The following RGPD2 variants were observed in gnomAD, a reference collection of about 807,000 sequenced individuals.
The protein encoded by RGPD2 is RANBP2 like and GRIP domain containing 2, also known as RANBP2-like and GRIP domain-containing protein 2.
RGPD2 carries 2 observed loss-of-function variants against 36.0 expected under a neutral mutation model. That is an observed-to-expected ratio of 0.06 (90% CI 0.02 to 0.17). The LOEUF (loss-of-function observed/expected upper bound fraction) is 0.17. Among genes scored for constraint, RGPD2 ranks in the 10% least tolerant of loss-of-function variants. The pLI is 1.00. For missense variants in RGPD2, 40 were observed against 464.3 expected (o/e 0.09, Z 8.40); for synonymous variants, 19 against 163.8 (o/e 0.12, Z 6.75).
At chr2:87,907,463 A>AAAAAAT in the RGPD2 span, among the ~76,000 whole-genome samples, 1 of 20,472 alleles carries the variant, frequency 4.9e-5, no homozygotes, top group African/African-American at 1.8e-4. Context: ...AAAAAAAAAA[A>AAAAAAT]GAATTGTGGG....
At position 87,782,745 on chromosome 2, in the gene RGPD2, C is replaced by CA; in HGVS notation, c.4278dup (p.Ala1427CysfsTer15). 2.3e-6 allele frequency: 3 copies of CA among 1,300,322 alleles called. No individual in the cohort carries two copies. The highest frequency in any genetic ancestry group is 3.1e-6 in the Non-Finnish European group (3 of 962,536). The allele number at this position is 1,300,322 out of a possible 1,614,324, so 80.5% of individuals were successfully genotyped here. On this transcript the variant is annotated frameshift_variant, in exon 20 of 23. Transcript: ENST00000398146. LOFTEE classifies it high-confidence loss of function. Reference sequence around the variant, plus strand: ...TGCTCTACTTTTCTTTCTCCATCTGCAAAATCACATGCAGTCCACACCCAT... The same window carrying CA: ...TGCTCTACTTTTCTTTCTCCATCTGCAAAAATCACATGCAGTCCACACCCAT...
chr2:87,836,091 A>G, the RGPD2 span, among the ~76,000 whole-genome samples: 1 of 152,132 alleles, frequency 6.6e-6, no homozygotes, highest in African/African-American at 2.4e-5. Context: ...CAACATTACT[A>G]TAGAGGTCAA....
the RGPD2 span, chr2:87,972,689 G>A: frequency 6.4e-7 from 1 of 1,573,374 alleles, no homozygotes; most frequent in Non-Finnish European, 8.6e-7. Flanking sequence ...CGGCAGCGAG[G>A]AGGCCTGGGG....
the RGPD2 span, among the ~76,000 whole-genome samples, chr2:87,979,946 G>A: frequency 1.3e-5 from 2 of 150,848 alleles, no homozygotes; most frequent in Non-Finnish European, 3.0e-5. Context: ...AGGAGTGTAG[G>A]TTACATGAGT....
At chr2:87,940,241 G>A in the RGPD2 span, among the ~76,000 whole-genome samples, 10 of 152,108 alleles carry the variant, frequency 6.6e-5, no homozygotes, top group African/African-American at 1.2e-4. Flanking sequence ...GTGCAGCTGC[G>A]CTAGGCTGTT....
At chr2:87,910,441 G>A in the RGPD2 span, among the ~76,000 whole-genome samples, 267 of 152,002 alleles carry the variant, frequency 1.8e-3, no homozygotes, top group Non-Finnish European at 3.1e-3. Context: ...CTACACAGAC[G>A]TGAAAAATGA....
At chr2:87,875,252 T>C in the RGPD2 span, among the ~76,000 whole-genome samples, 1 of 152,160 alleles carries the variant, frequency 6.6e-6, no homozygotes, top group Non-Finnish European at 1.5e-5. Context: ...TGAATAAGAA[T>C]GGTAAGAGAG....
chr2:87,836,419 C>T, the RGPD2 span, among the ~76,000 whole-genome samples: 4 of 152,066 alleles, frequency 2.6e-5, no homozygotes, highest in South Asian at 8.3e-4. Context: ...AGAAACCCTA[C>T]AAGCCAGAAG....
At chr2:87,984,929 CAAAAAAAA>C in the RGPD2 span, among the ~76,000 whole-genome samples, 3 of 68,692 alleles carry the variant, frequency 4.4e-5, no homozygotes, top group Non-Finnish European at 8.1e-5. Context: ...CATTCTGTCT[CAAAAAAAA>C]AAAAAAAAAA....
chr2:87,837,530 A>G, the RGPD2 span, among the ~76,000 whole-genome samples: 2 of 78,590 alleles, frequency 2.5e-5, no homozygotes, highest in Non-Finnish European at 2.4e-5. Context: ...GTGAAAACAA[A>G]GATACAACGT....
the RGPD2 span, among the ~76,000 whole-genome samples, chr2:87,876,413 T>C: frequency 6.6e-6 from 1 of 152,356 alleles, no homozygotes; most frequent in East Asian, 1.9e-4. Context: ...ATCCCAGAAA[T>C]TCTAGTACAT....
the RGPD2 span, among the ~76,000 whole-genome samples, chr2:87,940,536 C>T: frequency 1.6e-5 from 2 of 123,192 alleles, no homozygotes; most frequent in Admixed American, 8.3e-5. Context: ...TAAATGGCAT[C>T]GTAAGAAAAA....
the RGPD2 span, among the ~76,000 whole-genome samples, chr2:87,941,139 C>T: frequency 1.3e-5 from 2 of 150,816 alleles, no homozygotes; most frequent in South Asian, 2.1e-4. Context: ...TAAATGATAC[C>T]GGAAAATTGG....
At chr2:87,989,057 A>C in the RGPD2 span, 3 of 281,590 alleles carry the variant, frequency 1.1e-5, no homozygotes, top group African/African-American at 2.3e-5. Context: ...CCCAGTTATT[A>C]ATGTAAATCA....
chr2:87,937,312 C>G, the RGPD2 span, among the ~76,000 whole-genome samples: 30 of 151,842 alleles, frequency 2.0e-4, no homozygotes, highest in East Asian at 5.3e-3. Flanking sequence ...TAACTTAGAA[C>G]AAGAGCTTTG....
chr2:87,824,599 G>C (rs1454452954), intron 1 of RGPD2, among the ~76,000 whole-genome samples: 1 of 151,090 alleles, frequency 6.6e-6, no homozygotes, highest in Non-Finnish European at 1.5e-5. Context: ...ATGTTCCAAA[G>C]TTACTCACTA....
At chr2:87,834,616 A>G in the RGPD2 span, among the ~76,000 whole-genome samples, 2 of 152,108 alleles carry the variant, frequency 1.3e-5, no homozygotes, top group African/African-American at 4.8e-5. Context: ...ACAATTGGAT[A>G]TGAATTTAAC....
At chr2:87,967,727 C>T in the RGPD2 span, among the ~76,000 whole-genome samples, 1 of 149,576 alleles carries the variant, frequency 6.7e-6, no homozygotes, top group Non-Finnish European at 1.5e-5. Flanking sequence ...CATTTACTCT[C>T]TTGGGTATCT....
the RGPD2 span, among the ~76,000 whole-genome samples, chr2:87,876,623 G>A: frequency 1.6e-4 from 24 of 152,264 alleles, no homozygotes; most frequent in Non-Finnish European, 3.1e-4. Context: ...TTTTACATCT[G>A]ATTATGTCAT....
Sources: allele counts gnomAD v4.1 joint callset (sites outside exome capture counted in the v4.1 genomes callset), GRCh38; gene constraint gnomAD v4.1.1; transcripts MANE v1.5; gene names NCBI Gene and HGNC (gene_info 2026-07-23, HGNC 2026-07-21).